HDAC6: variants seen among roughly 807,000 people sequenced by gnomAD.
HDAC6 encodes protein deacetylase HDAC6.
HDAC6 carries 5 observed loss-of-function variants against 88.9 expected under a neutral mutation model. The observed-to-expected ratio is 0.06, with a 90% CI of 0.03 to 0.12. The LOEUF is 0.12. Among genes scored for constraint, HDAC6 ranks in the 10% least tolerant of loss-of-function variants. The pLI is 1.00. For missense variants in HDAC6, 706 were observed against 1,014.4 expected (o/e 0.70, Z 4.13); for synonymous variants, 378 against 398.0 (o/e 0.95, Z 0.60).
At position 48,816,488 on chromosome X, in the gene HDAC6, G is replaced by A. The variant is rs782213675; in HGVS notation, c.1646G>A (p.Arg549Gln). 22 of 1,205,769 alleles carry A rather than the reference G, an allele frequency of 1.8e-5. No homozygotes were observed. The highest frequency in any genetic ancestry group is 2.4e-5 in the Non-Finnish European group (21 of 892,291). ...AGTGCTGAGTACGTGGGTCATCTCCGGGCCACAGAGAAAATGAAAACCCGG... is the reference window on the plus strand; with the variant it reads ...AGTGCTGAGTACGTGGGTCATCTCCAGGCCACAGAGAAAATGAAAACCCGG... The part of the protein sequence containing the change: ...CHSAEYVGHL[R>Q]ATEKMKTREL... Residue 549 changes from arginine (R) to glutamine (Q), a missense_variant, in exon 19 of 29, where the codon CGG becomes CAG. By Grantham distance (43) the Arg-to-Gln change is conservative (BLOSUM62 1). Coordinates refer to ENST00000334136, the MANE Select transcript of HDAC6 (RefSeq NM_006044.4).
chrX:48,823,615 G>A (rs797037108), intron 25 of HDAC6, 27 bp downstream of exon 25: 1 of 1,188,636 alleles, frequency 8.4e-7, no homozygotes. Context: ...CCAGGTAGGG[G>A]CAAGAAGGGG....
intron 4 of HDAC6, 41 bp downstream of exon 4, chrX:48,803,257 T>G: frequency 1.0e-6 from 1 of 986,738 alleles, no homozygotes; most frequent in Non-Finnish European, 1.4e-6. Flanking sequence ...ACCACAAAAA[T>G]ACACACACTT....
At chrX:48,802,382 T>G in intron 1 of HDAC6, 1 of 891,485 alleles carries the variant, frequency 1.1e-6, no homozygotes, top group Non-Finnish European at 1.4e-6. Context: ...AGACGGACTG[T>G]GTGAGCCCGG....
chrX:48,801,822 G>A (rs2062730726), upstream of HDAC6: 1 of 967,195 alleles, frequency 1.0e-6, no homozygotes, highest in Admixed American at 3.0e-5. Context: ...GCGGGCAGTC[G>A]AGAGACGAGG....
At chrX:48,806,760 G>A (rs2062825380) in intron 8 of HDAC6, 54 bp downstream of exon 8, 3 of 725,204 alleles carry the variant, frequency 4.1e-6, no homozygotes, top group Non-Finnish European at 6.2e-6. Flanking sequence ...CTTCCTTCAA[G>A]TGTAAAATGT....
chrX:48,801,857 C>A, upstream of HDAC6: 1 of 971,735 alleles, frequency 1.0e-6, no homozygotes, highest in South Asian at 2.0e-5. Context: ...AAAGCCTGAG[C>A]GCTCGCGTCC....
At chrX:48,812,232 C>T (rs1303842612) in intron 10 of HDAC6, among the ~76,000 whole-genome samples, 2 of 112,437 alleles carry the variant, frequency 1.8e-5, no homozygotes, top group South Asian at 3.6e-4. Flanking sequence ...GTGCATTCTT[C>T]CTTATTAACA....
At chrX:48,807,802 G>A (rs980083443) in intron 8 of HDAC6, among the ~76,000 whole-genome samples, 2 of 112,179 alleles carry the variant, frequency 1.8e-5, no homozygotes, top group Admixed American at 9.4e-5. Flanking sequence ...CTGAGCCACC[G>A]CACCCGGCCT....
Position 48,822,955 on chromosome X carries a change from C to T in HDAC6, c.2556C>T (p.Thr852=). ...GACCCTCCAGTTCTAAGTTGGTCAC[C>T]AAGAAGGCACCCCAACCAGCCAAAC... ...REGPSSSKLV[T]KKAPQPAKPR... is the part of the protein sequence containing the mutation. The change falls in exon 25 of 29, where the codon ACC becomes ACT. Residue 852 remains threonine (T), a synonymous_variant. Coordinates refer to ENST00000334136, the MANE Select transcript of HDAC6 (RefSeq NM_006044.4). 2 of 1,204,165 alleles carry T rather than the reference C, an allele frequency of 1.7e-6. No homozygotes were observed. Among genetic ancestry groups the T allele is most frequent in the Non-Finnish European group, 1.1e-6 (1 of 891,491 alleles).
chrX:48,801,432 G>A (rs1422388124), upstream of HDAC6: 2 of 119,295 alleles, frequency 1.7e-5, no homozygotes, highest in African/African-American at 6.4e-5. Context: ...CGGGGAAAAG[G>A]TAAGATGCCC....
intron 1 of HDAC6, chrX:48,802,415 G>C: frequency 1.0e-6 from 1 of 957,638 alleles, no homozygotes. Context: ...CCGTGAAAGG[G>C]CAAGACCAGG....
rs782197065 is a variant in HDAC6, at chrX:48,802,750, C to T, written c.58C>T (p.Pro20Ser). ...CAGGCAGCGAAGAAGTAGGCAGAAC[C>T]CCCAGTCGCCCCCTCAGGACTCCAG... Reference protein sequence around the residue: ...TTRQRRSRQNPQSPPQDSSVT... With the variant: ...TTRQRRSRQNSQSPPQDSSVT... Residue 20 changes from proline (P) to serine (S), a missense_variant, in exon 2 of 29, where the codon CCC (proline) becomes TCC (serine). Transcript: ENST00000334136. 12 of 1,206,146 alleles carry T rather than the reference C, an allele frequency of 9.9e-6. No homozygotes were observed. Among genetic ancestry groups the T allele is most frequent in the Non-Finnish European group, 7.8e-6 (7 of 893,275 alleles).
rs782289273 is a variant in HDAC6 at position 48,824,630 on chromosome X, C to G, written c.*18C>G. Reference sequence around the variant, plus strand: ...CACACTAAGCCCCAGAATACGGTCCCTCTTCACCTTCTGAGGCCCACGATA... The same window carrying G: ...CACACTAAGCCCCAGAATACGGTCCGTCTTCACCTTCTGAGGCCCACGATA... On this transcript the variant is annotated 3_prime_UTR_variant, in exon 29 of 29. Transcript: ENST00000334136. 7 of 1,205,155 alleles carry G rather than the reference C, an allele frequency of 5.8e-6. No individual in the cohort carries two copies. The African/African-American group carries it at 1.1e-4, about 18-fold the overall frequency.
In HDAC6 at chrX:48,823,229, G is replaced by C. The variant is rs370891084; in HGVS notation, c.2830G>C (p.Gly944Arg). The C allele has an allele frequency of 8.3e-7, 1 of 1,203,497 alleles. No homozygotes were observed. The highest frequency in any genetic ancestry group is 1.1e-6 in the Non-Finnish European group (1 of 891,306). The change falls in exon 25 of 29, where the codon GGG (glycine) becomes CGG (arginine). Residue 944 changes from glycine (G) to arginine (R), a missense_variant. Transcript: ENST00000334136. Reference protein sequence around the residue: ...LGQTTSEEAVGGATPDQTTSE... With the variant: ...LGQTTSEEAVRGATPDQTTSE... ...CCAGACCACCTCAGAGGAGGCTGTC[G>C]GGGGAGCCACTCCGGACCAGACCAC...
chrX:48,810,537 T>C (rs782658962), intron 10 of HDAC6: 1 of 111,892 alleles, frequency 8.9e-6, no homozygotes, highest in Admixed American at 9.5e-5. Flanking sequence ...CTAGGACTTC[T>C]GTTAGTCAGA....
At chrX:48,805,297 C>T (rs2062796970) in intron 4 of HDAC6, 141 bp from the exon 5 acceptor site, 1 of 478,459 alleles carries the variant, frequency 2.1e-6, no homozygotes, top group African/African-American at 2.4e-5. Flanking sequence ...GGGTCACACA[C>T]CAGAGCTGAT....
In HDAC6 at chrX:48,824,002, C is replaced by T. The variant is rs1268385891; in HGVS notation, c.3384C>T (p.Asp1128=). The T allele has an allele frequency of 1.7e-5, 20 of 1,209,752 alleles. No homozygotes were observed. Among genetic ancestry groups the T allele is most frequent in the Non-Finnish European group, 1.8e-5 (16 of 894,992 alleles). The change falls in exon 27 of 29, where the codon GAC becomes GAT. Residue 1128 remains aspartate (D), a synonymous_variant. Transcript: ENST00000334136. ...GCCCCATACCTGCAGCAGGCCTAGA[C>T]GTGACCCAACCTTGTGGGGACTGTG... is the stretch of plus-strand genomic sequence containing the variant. ...AVCPIPAAGL[D]VTQPCGDCGT...
intron 23 of HDAC6, 91 bp from the exon 24 acceptor site, chrX:48,822,529 G>T: frequency 1.4e-6 from 1 of 729,795 alleles, no homozygotes. Flanking sequence ...GCAGGGCTCA[G>T]TAGGGAGGAT....
chrX:48,801,728 C>G, upstream of HDAC6: 7 of 548,343 alleles, frequency 1.3e-5, no homozygotes, highest in Non-Finnish European at 1.8e-5. Context: ...ACGCACCGCC[C>G]CGCCGCTTGT....
Sources: gnomAD v4.1 joint callset for allele counts (sites outside exome capture counted in the v4.1 genomes callset) on GRCh38, gnomAD v4.1.1 for gene constraint, MANE v1.5 for transcripts, NCBI Gene and HGNC (gene_info 2026-07-23, HGNC 2026-07-21) for gene names.